The following SEC23B variants were observed in gnomAD, a reference collection of about 807,000 sequenced individuals.
The protein encoded by SEC23B is protein transport protein Sec23B.
SEC23B carries 77 observed loss-of-function variants against 104.3 expected under a neutral mutation model. The ratio of observed to expected loss-of-function variants is 0.74; its 90% CI spans 0.61 to 0.89. The LOEUF (loss-of-function observed/expected upper bound fraction) is 0.89, where lower values mean the gene tolerates loss of function less well. Among genes scored for constraint, SEC23B ranks in the 40% least tolerant of loss-of-function variants. The pLI is 0.00. For missense variants in SEC23B, 885 were observed against 949.4 expected, an observed-to-expected ratio of 0.93 and a Z score of 0.89; for synonymous variants, 338 against 332.5, an observed-to-expected ratio of 1.02 and a Z score of -0.18.
intron 4 of SEC23B, among the ~76,000 whole-genome samples, chr20:18,517,881 G>A (rs748015933): frequency 1.3e-5 from 2 of 152,212 alleles, no homozygotes; most frequent in Non-Finnish European, 1.5e-5. Flanking sequence ...AGGTATTAGA[G>A]GACTAAGAAT....
chr20:18,536,153 A>G (rs1568613355), intron 12 of SEC23B, among the ~76,000 whole-genome samples: 1 of 152,196 alleles, frequency 6.6e-6, no homozygotes, highest in Non-Finnish European at 1.5e-5. Context: ...ATTTTACTCT[A>G]CTGGCATACC....
At chr20:18,559,096 G>A (rs998151212) in intron 19 of SEC23B, among the ~76,000 whole-genome samples, 2 of 150,220 alleles carry the variant, frequency 1.3e-5, no homozygotes, top group African/African-American at 4.9e-5. Context: ...GGGTGTCGGG[G>A]GCACTGGTGG....
chr20:18,511,504 AAT>A (rs2059981716), intron 2 of SEC23B, among the ~76,000 whole-genome samples: 1 of 57,092 alleles, frequency 1.8e-5, no homozygotes, highest in Admixed American at 1.6e-4. Context: ...TGTTAAGTGT[AAT>A]TTTTTTTTTT....
At chr20:18,554,466 A>T in intron 18 of SEC23B, 76 bp downstream of exon 18, 1 of 1,512,308 alleles carries the variant, frequency 6.6e-7, no homozygotes. Flanking sequence ...TCTAAACAGG[A>T]TGGTTAATAT....
chr20:18,515,986 G>C lies in SEC23B; in HGVS notation c.366+250G>C, dbSNP rs1301094829. The C allele has an allele frequency of 4.2e-5, 20 of 471,894 alleles. No homozygotes were observed. In the Admixed American group the frequency reaches 6.7e-4, roughly 16 times the overall value. The allele number at this position is 471,894 out of a possible 1,614,324, so 29.2% of individuals were successfully genotyped here. A position where few individuals can be genotyped will look rare whatever the true frequency, so the allele number is the denominator to read the frequency against. On this transcript the variant is annotated intron_variant, in intron 4 of 19. Coordinates refer to ENST00000650089, the MANE Select transcript of SEC23B (RefSeq NM_006363.6). The stretch of plus-strand genomic sequence containing the variant: ...CTCTGTAGCCTTCTTCATCTCAGTT[G>C]ATGGTACTCCATCATCTAGTTGTTT...
rs36023150 is a variant in SEC23B at position 18,524,556 on chromosome 20, G to T, written c.490G>T (p.Val164Leu). 16,035 of 1,614,174 alleles carry T rather than the reference G, an allele frequency of 9.9e-3. 162 individuals are homozygous for T. The highest frequency in any genetic ancestry group is 0.031 in the South Asian group (2,858 of 91,084). Reference sequence around the variant, plus strand: ...GAGTCTTCTTCCTCCAGATGCTCTGGTGGGTCTGATCACATTTGGAAGGAT... The same window carrying T: ...GAGTCTTCTTCCTCCAGATGCTCTGTTGGGTCTGATCACATTTGGAAGGAT... ...SLSLLPPDAL[V>L]GLITFGRMVQ... The change falls in exon 5 of 20, where the codon GTG becomes TTG. Residue 164 changes from valine to leucine, a missense_variant. Physicochemically the swap from Val to Leu is conservative, Grantham distance 32. Transcript: ENST00000650089.
intron 17 of SEC23B, among the ~76,000 whole-genome samples, chr20:18,551,540 C>T (rs2060386862): frequency 6.6e-6 from 1 of 151,940 alleles, no homozygotes; most frequent in Non-Finnish European, 1.5e-5. Context: ...ATGGCAAAAC[C>T]CCATCTCTAC....
chr20:18,551,217 A>G, intron 17 of SEC23B, 42 bp downstream of exon 17: 1 of 1,152,494 alleles, frequency 8.7e-7, no homozygotes, highest in Non-Finnish European at 1.3e-6. Context: ...TTTTGTTTTT[A>G]AATTGGAGAA....
chr20:18,559,081 G>GA (rs1365335295), intron 19 of SEC23B, among the ~76,000 whole-genome samples: 1 of 81,644 alleles, frequency 1.2e-5, no homozygotes, highest in Admixed American at 1.6e-4. Flanking sequence ...GGTGGTTGGT[G>GA]GGGGGGGTGT....
chr20:18,557,002 CAA>C (rs1285961389), intron 19 of SEC23B, among the ~76,000 whole-genome samples: 1 of 152,108 alleles, frequency 6.6e-6, no homozygotes, highest in Non-Finnish European at 1.5e-5. Context: ...TCTTGAAAAA[CAA>C]AAAGAAGTGA....
At chr20:18,526,641 C>CA in intron 8 of SEC23B, 110 bp downstream of exon 8, 1 of 1,156,934 alleles carries the variant, frequency 8.6e-7, no homozygotes, top group Non-Finnish European at 1.3e-6. Context: ...CAGCAAGACG[C>CA]TGTTTCAGAG....
chr20:18,550,979 T>C (rs1002932332), intron 16 of SEC23B, 110 bp from the exon 17 acceptor site: 2 of 770,554 alleles, frequency 2.6e-6, no homozygotes, highest in Admixed American at 1.7e-5. Context: ...GCACCATTTG[T>C]AAATAGCCTT....
intron 1 of SEC23B, among the ~76,000 whole-genome samples, chr20:18,509,169 T>C (rs1037306165): frequency 9.9e-5 from 15 of 152,234 alleles, no homozygotes; most frequent in African/African-American, 3.6e-4. Flanking sequence ...GAGTGCTTCC[T>C]GTGCACACAG....
intron 4 of SEC23B, among the ~76,000 whole-genome samples, chr20:18,518,309 C>T (rs2060048934): frequency 6.6e-6 from 1 of 152,154 alleles, no homozygotes; most frequent in African/African-American, 2.4e-5. Flanking sequence ...ATTTTAGTTT[C>T]CTGACTCAGG....
Position 18,560,751 on chromosome 20 carries a change from C to T in SEC23B, c.*11C>T. 2 of 1,601,250 alleles carry T rather than the reference C, an allele frequency of 1.2e-6. No homozygotes were observed. Among genetic ancestry groups the T allele is most frequent in the Non-Finnish European group, 8.6e-7 (1 of 1,168,650 alleles). On this transcript the variant is annotated 3_prime_UTR_variant, in exon 20 of 20. Coordinates refer to ENST00000650089, the MANE Select transcript of SEC23B (RefSeq NM_006363.6). The stretch of plus-strand genomic sequence containing the variant: ...TCCAGTGCCTGTTAAGCTGAGGATA[C>T]AACCAGGAAATGCAACGGTGTCAGA...
intron 12 of SEC23B, among the ~76,000 whole-genome samples, chr20:18,539,828 A>G (rs1015461260): frequency 6.6e-6 from 1 of 151,728 alleles, no homozygotes; most frequent in African/African-American, 2.4e-5. Context: ...TATTTTTAGT[A>G]GAGACGGGGT....
chr20:18,521,833 G>A (rs1345652879), intron 4 of SEC23B, among the ~76,000 whole-genome samples: 1 of 152,160 alleles, frequency 6.6e-6, no homozygotes, highest in Admixed American at 6.5e-5. Flanking sequence ...GCAGAGACTA[G>A]GGAGGGACCA....
rs534770840 is a variant in SEC23B, at chr20:18,525,871, A to G, written c.773A>G (p.Gln258Arg). The change falls in exon 7 of 20, where the codon CAG becomes CGG. Residue 258 changes from glutamine (Q) to arginine (R), a missense_variant. Gln to Arg is a conservative substitution (Grantham distance 43, BLOSUM62 1). Transcript: ENST00000650089. ...CAGAGGGACCCATGGCCAGTAACTC[A>G]GGGGAAGAGACCTTTGCGATCCACT... ...ELQRDPWPVT[Q>R]GKRPLRSTGV... The G allele has an allele frequency of 2.4e-4, 385 of 1,613,640 alleles. 1 individual carries two copies. The South Asian group carries it at 4.1e-3, about 17-fold the overall frequency.
rs748464934 is a variant in SEC23B, at chr20:18,530,694, T to A, written c.1124T>A (p.Met375Lys). 3 of 1,612,058 alleles carry A rather than the reference T, an allele frequency of 1.9e-6. No homozygotes were observed. Among genetic ancestry groups the A allele is most frequent in the Non-Finnish European group, 2.5e-6 (3 of 1,178,114 alleles). Residue 375 changes from methionine (M) to lysine (K), a missense_variant, in exon 10 of 20, where the codon ATG becomes AAG. Physicochemically the swap from Met to Lys is moderately conservative, Grantham distance 95. Transcript: ENST00000650089. ...CANLTGGYMV[M>K]GDSFNTSLFK... ...TTCTTACCTAGAGGCTACATGGTAA[T>A]GGGAGATTCTTTCAACACTTCTCTC...
Sources: allele counts gnomAD v4.1 joint callset (sites outside exome capture counted in the v4.1 genomes callset), GRCh38; gene constraint gnomAD v4.1.1; transcripts MANE v1.5; gene names NCBI Gene and HGNC (gene_info 2026-07-23, HGNC 2026-07-21).